FCHO1: variants seen among roughly 807,000 people sequenced by gnomAD.
The protein encoded by FCHO1 is F-BAR domain only protein 1.
A neutral mutation model predicts 114.4 loss-of-function variants in FCHO1; 45 were observed. That is an observed-to-expected ratio of 0.39 (90% confidence interval 0.31 to 0.50). The LOEUF (loss-of-function observed/expected upper bound fraction) is 0.50. FCHO1 is among the 20% of genes least tolerant of loss of function. The pLI, the probability that FCHO1 is intolerant of heterozygous loss-of-function variation, is 0.77. For synonymous variants in FCHO1, 480 were observed against 488.9 expected (o/e 0.98, Z 0.24); for missense variants, 1,042 against 1,209.6 (o/e 0.86, Z 2.06).
At chr19:17,761,810 G>A (rs189456643) in intron 4 of FCHO1, among the ~76,000 whole-genome samples, 76 of 151,088 alleles carry the variant, frequency 5.0e-4, no homozygotes, top group Non-Finnish European at 7.2e-4. Context: ...ACAGGGGTGC[G>A]CCACCATGCC....
chr19:17,750,661 G>A (rs1274483370), upstream of FCHO1, among the ~76,000 whole-genome samples: 1 of 151,546 alleles, frequency 6.6e-6, no homozygotes, highest in Non-Finnish European at 1.5e-5. Flanking sequence ...GTTTTACCAT[G>A]TTGCCCAGGC....
chr19:17,772,317 G>C, intron 9 of FCHO1, 140 bp from the exon 10 acceptor site: 1 of 668,132 alleles, frequency 1.5e-6, no homozygotes, highest in Admixed American at 2.3e-5. Context: ...GAAAGTCCTA[G>C]GGCAGACTCT....
Position 17,770,493 on chromosome 19 carries a change from C to G in FCHO1, c.405C>G (p.Pro135=). ...TCTCGGGCGTCAGCCAGCTCCTGCC[C>G]AAGTCCCGCGAGAACTACCTGAACC... ...QVLSGVSQLL[P]KSRENYLNRC... The change falls in exon 8 of 29, where the codon CCC becomes CCG. Residue 135 remains proline, a synonymous_variant. Coordinates refer to ENST00000596536, the MANE Select transcript of FCHO1 (RefSeq NM_015122.3). 6.2e-7 allele frequency: 1 copy of G among 1,613,958 alleles called. No individual in the cohort carries two copies. Among genetic ancestry groups the G allele is most frequent in the Non-Finnish European group, 8.5e-7 (1 of 1,179,914 alleles).
upstream of FCHO1, among the ~76,000 whole-genome samples, chr19:17,748,674 C>T (rs1401051755): frequency 3.3e-5 from 5 of 152,174 alleles, no homozygotes; most frequent in Admixed American, 2.6e-4. Context: ...TTGGATCCCC[C>T]GAGTCACCTG....
Position 17,784,291 on chromosome 19 carries a change from C to G in FCHO1, c.2226+56C>G. The G allele has an allele frequency of 2.6e-6, 4 of 1,542,684 alleles. No homozygotes were observed. Among genetic ancestry groups the G allele is most frequent in the East Asian group, 4.9e-5 (2 of 40,992 alleles). On this transcript the variant is annotated intron_variant, in intron 25 of 28. Transcript: ENST00000596536. This position sits in a 1 kb window ranked among gnomAD's most constrained non-coding sequence, Gnocchi z 5.3. ...TGGTGGAGTGGGGGACACGGTGAGC[C>G]GGCAGCAGACATGGAGGCGCCTGCG...
Position 17,780,378 on chromosome 19 carries a change from G to A in FCHO1, c.1628-853G>A, listed in dbSNP as rs923120339. ...GGGGTTTCACCATGTTGGACAGGCT[G>A]GTCTCGAACTCCTGACCTCAGGTGA... On this transcript the variant is annotated intron_variant, in intron 20 of 28. Coordinates refer to ENST00000596536, the MANE Select transcript of FCHO1 (RefSeq NM_015122.3). 3.9e-4 allele frequency among the ~76,000 whole-genome samples: 59 copies of A among 152,078 alleles called. 1 individual carries two copies. The highest frequency in any genetic ancestry group is 2.0e-4 in the Admixed American group (3 of 15,264).
At chr19:17,778,305 A>G (rs112550346) in intron 19 of FCHO1, 77 bp downstream of exon 19, 16 of 1,181,308 alleles carry the variant, frequency 1.4e-5, no homozygotes, top group Admixed American at 3.5e-5. Context: ...AGTTAGGCCA[A>G]TGAGGTCCCC....
chr19:17,778,692 T>G lies in FCHO1; in HGVS notation c.1435T>G (p.Ser479Ala). 1 of 1,558,468 alleles carries G rather than the reference T, an allele frequency of 6.4e-7. No homozygotes were observed. The highest frequency in any genetic ancestry group is 1.4e-5 in the African/African-American group (1 of 73,576). Residue 479 changes from serine (S) to alanine (A), a missense_variant, in exon 20 of 29, where the codon TCT (serine) becomes GCT (alanine). Physicochemically the swap from Ser to Ala is moderately conservative, Grantham distance 99. This residue lies in a region of FCHO1 where 455 missense variants were observed against 455.4 expected (regional missense o/e 1.00). Transcript: ENST00000596536. ...AAACGTGGAGGATTCCGGCCTGGAC[T>G]CTCCGTCCCACGCGGCACCTGGCCC... Reference protein sequence around the residue: ...PENVEDSGLDSPSHAAPGPSP... With the variant: ...PENVEDSGLDAPSHAAPGPSP...
At position 17,787,824 on chromosome 19, in the gene FCHO1, G is replaced by A; in HGVS notation, c.2625G>A (p.Leu875=). 6.2e-7 allele frequency: 1 copy of A among 1,613,464 alleles called. No individual in the cohort carries two copies. Among genetic ancestry groups the A allele is most frequent in the Admixed American group, 1.7e-5 (1 of 59,970 alleles). ...ELVGSGYRMS[L]VKRRFATGMY... is the part of the protein sequence containing the mutation. ...TGGGCAGCGGTTACCGCATGTCGCT[G>A]GTGAAGAGGAGGTTTGCCACAGGTA... Residue 875 remains leucine, a synonymous_variant, in exon 28 of 29, where the codon CTG becomes CTA. Transcript: ENST00000596536.
At chr19:17,754,883 C>T (rs1277779046) in intron 3 of FCHO1, 3 of 474,096 alleles carry the variant, frequency 6.3e-6, no homozygotes, top group Non-Finnish European at 1.2e-5. Flanking sequence ...CCACCTAGTC[C>T]AGTTCTGACT....
chr19:17,788,257 C>A, intron 28 of FCHO1, 27 bp from the exon 29 acceptor site: 1 of 1,471,752 alleles, frequency 6.8e-7, no homozygotes, highest in Non-Finnish European at 9.5e-7. Context: ...CTCCCCACCC[C>A]TCCCCCTCAC....
At chr19:17,785,988 A>G (rs2093851509) in intron 26 of FCHO1, among the ~76,000 whole-genome samples, 1 of 151,746 alleles carries the variant, frequency 6.6e-6, no homozygotes, top group African/African-American at 2.4e-5. Context: ...TAAAAAAAAA[A>G]AAGTCTGTTG....
chr19:17,752,713 A>G (rs1456254918), intron 1 of FCHO1, among the ~76,000 whole-genome samples: 1 of 149,244 alleles, frequency 6.7e-6, no homozygotes, highest in African/African-American at 2.4e-5. Context: ...GGCCTGGGCC[A>G]CACTAGTGAG....
chr19:17,770,827 G>C lies in FCHO1; in HGVS notation c.525G>C (p.Leu175=). The C allele has an allele frequency of 6.2e-7, 1 of 1,614,166 alleles. No individual in the cohort carries two copies. ...ETKTKKAAES[L]RRSVEKYNSA... is the part of the protein sequence containing the mutation. ...AAACCAAGAAGGCGGCAGAGAGCCT[G>C]CGGCGCTCAGTGGAAAAATACAACT... The change falls in exon 9 of 29, where the codon CTG becomes CTC. Residue 175 remains leucine, a synonymous_variant. Coordinates refer to ENST00000596536, the MANE Select transcript of FCHO1 (RefSeq NM_015122.3).
intron 4 of FCHO1, among the ~76,000 whole-genome samples, chr19:17,761,353 G>T (rs546863286): frequency 1.3e-5 from 2 of 150,602 alleles, no homozygotes; most frequent in East Asian, 3.9e-4. Context: ...GATTATGGGG[G>T]AATGTGGCTT....
chr19:17,759,961 C>G (rs568744153), intron 4 of FCHO1, among the ~76,000 whole-genome samples: 7 of 152,180 alleles, frequency 4.6e-5, no homozygotes, highest in Non-Finnish European at 2.9e-5. Flanking sequence ...CATTTGCCAA[C>G]ACCTCTACAT....
In FCHO1 at chr19:17,783,103, T is replaced by C. The variant is rs1052208; in HGVS notation, c.2024T>C (p.Val675Ala). 1 of 1,614,094 alleles carries C rather than the reference T, an allele frequency of 6.2e-7. No homozygotes were observed. The highest frequency in any genetic ancestry group is 1.1e-5 in the South Asian group (1 of 91,082). Reference sequence around the variant, plus strand: ...TTCAGCGGGACCCCACCACCACCTGTCCTCAGCTTCCGGCTTGTACACACA... The same window carrying C: ...TTCAGCGGGACCCCACCACCACCTGCCCTCAGCTTCCGGCTTGTACACACA... ...RVFSGTPPPPVLSFRLVHTTA... is the reference protein window; with the variant it reads ...RVFSGTPPPPALSFRLVHTTA... The change falls in exon 24 of 29, where the codon GTC becomes GCC. Residue 675 changes from valine to alanine, a missense_variant. By Grantham distance (64) the Val-to-Ala change is moderately conservative. Around this residue, in one of 3 missense-constraint regions of FCHO1, gnomAD observed 455 missense variants for 455.4 expected, o/e 1.00. Coordinates refer to ENST00000596536, the MANE Select transcript of FCHO1 (RefSeq NM_015122.3).
intron 7 of FCHO1, among the ~76,000 whole-genome samples, chr19:17,769,629 AC>A (rs2090844666): frequency 2.2e-5 from 3 of 135,580 alleles, no homozygotes; most frequent in East Asian, 4.0e-4. Context: ...ACACACACAC[AC>A]ACAAAACGGT....
chr19:17,781,693 C>G lies in FCHO1; in HGVS notation c.1829-19C>G. The G allele has an allele frequency of 6.3e-7, 1 of 1,581,096 alleles. No homozygotes were observed. Among genetic ancestry groups the G allele is most frequent in the Non-Finnish European group, 8.6e-7 (1 of 1,158,160 alleles). ...CACTGTCTATCCGTTGTTCCCCATT[C>G]CCTCTCCACCACCCCCAGGAGTCTC... On this transcript the variant is annotated intron_variant, in intron 22 of 28. Transcript: ENST00000596536.
Sources: allele counts gnomAD v4.1 joint callset (sites outside exome capture counted in the v4.1 genomes callset), GRCh38; gene constraint gnomAD v4.1.1; regional missense constraint gnomAD v4.1.1; non-coding constraint Gnocchi (gnomAD v3.1); transcripts MANE v1.5; gene names NCBI Gene and HGNC (gene_info 2026-07-23, HGNC 2026-07-21).